Variants in SNAP25 observed in about 807,000 individuals in gnomAD.
SNAP25 encodes the protein synaptosome associated protein 25.
SNAP25 carries 3 observed loss-of-function variants against 28.7 expected under a neutral mutation model. The ratio of observed to expected loss-of-function variants is 0.10; its 90% CI spans 0.05 to 0.27. The LOEUF is 0.27. Among genes scored for constraint, SNAP25 ranks in the 10% least tolerant of loss-of-function variants. The probability of loss-of-function intolerance (pLI) is 1.00; values close to 1 mark genes in which losing one functional copy is unlikely to be tolerated. For synonymous variants in SNAP25, 61 were observed against 88.1 expected, an observed-to-expected ratio of 0.69 and a Z score of 1.72; for missense variants, 117 against 278.7, an observed-to-expected ratio of 0.42 and a Z score of 4.13.
At chr20:10,295,606 G>T (rs890323200) in intron 5 of SNAP25, among the ~76,000 whole-genome samples, 1 of 152,112 alleles carries the variant, frequency 6.6e-6, no homozygotes, top group Admixed American at 6.5e-5. Context: ...CCCCCAGTCT[G>T]CAAGTATTAG....
At chr20:10,274,055 G>A (rs1248573119) in intron 1 of SNAP25, among the ~76,000 whole-genome samples, 1 of 152,020 alleles carries the variant, frequency 6.6e-6, no homozygotes, top group African/African-American at 2.4e-5. Context: ...TGTAAAGGCA[G>A]GGAATTTGCC....
chr20:10,249,814 A>G (rs1191717773), intron 1 of SNAP25, among the ~76,000 whole-genome samples: 2 of 152,152 alleles, frequency 1.3e-5, no homozygotes, highest in Non-Finnish European at 2.9e-5. Flanking sequence ...CTGCAAAGCT[A>G]ATTATTTTGC....
intron 1 of SNAP25, among the ~76,000 whole-genome samples, chr20:10,266,922 A>G (rs914665471): frequency 2.6e-5 from 4 of 152,118 alleles, no homozygotes; most frequent in African/African-American, 9.7e-5. Flanking sequence ...TTTGATGTCA[A>G]TAGGTAGGTA....
At chr20:10,291,197 C>A (rs1314369548) in intron 4 of SNAP25, among the ~76,000 whole-genome samples, 1 of 152,154 alleles carries the variant, frequency 6.6e-6, no homozygotes, top group Non-Finnish European at 1.5e-5. Context: ...CCTCAGCCTC[C>A]CAAGTAGCTG....
chr20:10,232,717 C>T (rs2062848708), intron 1 of SNAP25, among the ~76,000 whole-genome samples: 1 of 152,144 alleles, frequency 6.6e-6, no homozygotes, highest in Non-Finnish European at 1.5e-5. Flanking sequence ...ATAGAGCTTA[C>T]CTTCTAGTAG....
At chr20:10,244,814 T>TC (rs958713306) in intron 1 of SNAP25, among the ~76,000 whole-genome samples, 13 of 150,126 alleles carry the variant, frequency 8.7e-5, no homozygotes, top group African/African-American at 2.7e-4. Flanking sequence ...CCCTGCAACC[T>TC]CCACCTCCCA....
intron 6 of SNAP25, 136 bp from the exon 7 acceptor site, chr20:10,299,131 GT>G (rs1402637717): frequency 5.8e-5 from 57 of 984,176 alleles, no homozygotes; most frequent in Non-Finnish European, 7.9e-5. Context: ...GCTAAAATGT[GT>G]TTTTGTACTG....
At chr20:10,224,997 CT>C (rs1478079136) in intron 1 of SNAP25, among the ~76,000 whole-genome samples, 1 of 151,988 alleles carries the variant, frequency 6.6e-6, no homozygotes, top group Non-Finnish European at 1.5e-5. Context: ...CTGTAAAGTA[CT>C]TTAAAAGTAA....
chr20:10,294,020 A>G (rs544657704), intron 5 of SNAP25, among the ~76,000 whole-genome samples: 2 of 152,346 alleles, frequency 1.3e-5, no homozygotes, highest in South Asian at 4.1e-4. Context: ...CAGAAATGTG[A>G]CATGTGGTTA....
intron 1 of SNAP25, among the ~76,000 whole-genome samples, chr20:10,248,932 G>A (rs574006894): frequency 2.0e-5 from 3 of 152,260 alleles, no homozygotes; most frequent in South Asian, 2.1e-4. Context: ...ACCACTCTGC[G>A]AATAACTCTG....
intron 1 of SNAP25, among the ~76,000 whole-genome samples, chr20:10,268,738 G>A (rs1183411032): frequency 6.6e-6 from 1 of 152,146 alleles, no homozygotes; most frequent in African/African-American, 2.4e-5. Flanking sequence ...ATGTCATTAA[G>A]GTTTCAGATA....
intron 3 of SNAP25, among the ~76,000 whole-genome samples, chr20:10,282,701 G>C (rs2063802965): frequency 6.6e-6 from 1 of 152,210 alleles, no homozygotes; most frequent in African/African-American, 2.4e-5. Context: ...TGTGTGGCCT[G>C]ATTGGGCCCT....
intron 3 of SNAP25, among the ~76,000 whole-genome samples, chr20:10,282,197 AAGGAAGGAAGGAAGGAAGG>A (rs2123047635): frequency 6.7e-6 from 1 of 148,528 alleles, no homozygotes; most frequent in African/African-American, 2.5e-5. Context: ...GGAAGGAAGG[AAGGAAGGAAGGAAGGAAGG>A]AAGGAAGGAA....
chr20:10,283,917 C>T (rs970753070), intron 3 of SNAP25, among the ~76,000 whole-genome samples: 1 of 152,128 alleles, frequency 6.6e-6, no homozygotes. Context: ...TCCTTCTGTC[C>T]TGACCACCAA....
At chr20:10,291,805 G>A (rs1418509646) in intron 4 of SNAP25, among the ~76,000 whole-genome samples, 3 of 152,222 alleles carry the variant, frequency 2.0e-5, no homozygotes, top group African/African-American at 7.2e-5. Context: ...CAGATGAAAA[G>A]AGGAATGGAA....
At chr20:10,248,672 AG>A (rs2063172301) in intron 1 of SNAP25, among the ~76,000 whole-genome samples, 1 of 152,232 alleles carries the variant, frequency 6.6e-6, no homozygotes, top group East Asian at 1.9e-4. Context: ...TCACACAGCA[AG>A]TAAGTAGTAG....
At chr20:10,258,343 T>A (rs750076297) in intron 1 of SNAP25, among the ~76,000 whole-genome samples, 5 of 152,198 alleles carry the variant, frequency 3.3e-5, no homozygotes, top group Non-Finnish European at 7.3e-5. Flanking sequence ...AGTTAATAAA[T>A]CTTCATCACA....
intron 1 of SNAP25, among the ~76,000 whole-genome samples, chr20:10,245,528 T>C (rs966481117): frequency 6.6e-6 from 1 of 152,174 alleles, no homozygotes; most frequent in African/African-American, 2.4e-5. Flanking sequence ...AAGTGAATGT[T>C]CATTTCAAAC....
At chr20:10,251,835 T>C (rs2063234794) in intron 1 of SNAP25, among the ~76,000 whole-genome samples, 1 of 152,224 alleles carries the variant, frequency 6.6e-6, no homozygotes, top group South Asian at 2.1e-4. Context: ...AGTGAATTTA[T>C]GGAAATTTTG....
Sources: allele counts gnomAD v4.1 joint callset (sites outside exome capture counted in the v4.1 genomes callset), GRCh38; gene constraint gnomAD v4.1.1; transcripts MANE v1.5; gene names NCBI Gene and HGNC (gene_info 2026-07-23, HGNC 2026-07-21).